Variants in PKHD1 observed in about 807,000 individuals in gnomAD.
PKHD1 encodes PKHD1 ciliary IPT domain containing fibrocystin/polyductin.
Under a neutral mutation model 412.0 loss-of-function variants are expected in PKHD1, and 291 were observed. The observed-to-expected ratio is 0.71, with a 90% CI of 0.64 to 0.78. The LOEUF (loss-of-function observed/expected upper bound fraction) is 0.78, where lower values mean the gene tolerates loss of function less well. Among genes scored for constraint, PKHD1 ranks in the 30% least tolerant of loss-of-function variants. The pLI is 0.00. For missense variants in PKHD1, 4,825 were observed against 4,950.7 expected (o/e 0.97, Z 0.76); for synonymous variants, 1,777 against 1,821.5 (o/e 0.98, Z 0.62).
At chr6:52,016,941 T>C (rs1160990063) in intron 34 of PKHD1, among the ~76,000 whole-genome samples, 8 of 152,346 alleles carry the variant, frequency 5.3e-5, no homozygotes. Flanking sequence ...AAATCCTAGA[T>C]CTACAGTAAT....
At chr6:52,062,091 G>C (rs1808767269) in intron 14 of PKHD1, among the ~76,000 whole-genome samples, 1 of 152,148 alleles carries the variant, frequency 6.6e-6, no homozygotes, top group Admixed American at 6.5e-5. Flanking sequence ...TTCAGCACTG[G>C]AAGGCTGTTC....
chr6:52,066,133 C>G, intron 11 of PKHD1, 56 bp from the exon 12 acceptor site: 1 of 781,516 alleles, frequency 1.3e-6, no homozygotes. Context: ...CAGAATATGA[C>G]CTAGATAATA....
At chr6:51,863,551 C>A (rs535473759) in intron 48 of PKHD1, among the ~76,000 whole-genome samples, 11 of 152,138 alleles carry the variant, frequency 7.2e-5, no homozygotes, top group African/African-American at 2.7e-4. Context: ...AAAACAATTA[C>A]AAATAAAGGC....
At chr6:51,891,776 G>A (rs1014044948) in intron 43 of PKHD1, among the ~76,000 whole-genome samples, 7 of 151,740 alleles carry the variant, frequency 4.6e-5, no homozygotes, top group Admixed American at 3.3e-4. Flanking sequence ...CAGTATGGGG[G>A]AGAAAACTGA....
At chr6:51,917,957 T>C (rs1244204975) in intron 37 of PKHD1, among the ~76,000 whole-genome samples, 13 of 152,136 alleles carry the variant, frequency 8.5e-5, no homozygotes, top group Admixed American at 8.5e-4. Context: ...AAGAAAATCC[T>C]TAGTGAGAAA....
At position 51,746,780 on chromosome 6, in the gene PKHD1, CCT is replaced by C; in HGVS notation, c.9937_9938del (p.Arg3313AspfsTer9). On this transcript the variant is annotated frameshift_variant, in exon 59 of 67. Coordinates refer to ENST00000371117, the MANE Select transcript of PKHD1 (RefSeq NM_138694.4). LOFTEE classifies it high-confidence loss of function. ...SGIMHPITAE[R>X]TRMLKIKDKN... ...TATCTTTTATCTTTAGCATCCTGGT[CCT>C]CTCTGCTGTTATTGGGTGCATAATT... 6.2e-7 allele frequency: 1 copy of C among 1,611,634 alleles called. No homozygotes were observed. Among genetic ancestry groups the C allele is most frequent in the South Asian group, 1.1e-5 (1 of 91,016 alleles).
Position 51,638,720 on chromosome 6 carries a change from A to T in PKHD1, c.11506+129T>A, listed in dbSNP as rs185518327. 1.2e-3 allele frequency: 856 copies of T among 713,328 alleles called. 4 individuals carry two copies. The highest frequency in any genetic ancestry group is 5.2e-3 in the Middle Eastern group (13 of 2,500). 44.2% of individuals were successfully genotyped at this position (713,328 alleles called of 1,614,324 possible). On this transcript the variant is annotated intron_variant, in intron 64 of 66. Coordinates refer to ENST00000371117, the MANE Select transcript of PKHD1 (RefSeq NM_138694.4). ...TCAAGCTTAATGATACAGTCAAGTGAATTTATTTTCTAAACTATGATGACC... is the reference window on the plus strand; with the variant it reads ...TCAAGCTTAATGATACAGTCAAGTGTATTTATTTTCTAAACTATGATGACC...
intron 53 of PKHD1, among the ~76,000 whole-genome samples, chr6:51,778,467 T>C (rs1164721745): frequency 6.6e-6 from 1 of 152,054 alleles, no homozygotes; most frequent in South Asian, 2.1e-4. Context: ...AGCTGTTAAA[T>C]GGCGAAGTTG....
chr6:51,886,068 G>A lies in PKHD1; in HGVS notation c.7110-96C>T, dbSNP rs868276122. 33 of 800,048 alleles carry A rather than the reference G, an allele frequency of 4.1e-5. No homozygotes were observed. In the Middle Eastern group the frequency reaches 1.1e-3, roughly 27 times the overall value. 49.6% of individuals were successfully genotyped at this position (800,048 alleles called of 1,614,324 possible). ...AATACAAAGTAAAAGTAATGTATTA[G>A]GGAGAATGAAGGTAGATGGAATCTG... On this transcript the variant is annotated intron_variant, in intron 44 of 66. Coordinates refer to ENST00000371117, the MANE Select transcript of PKHD1 (RefSeq NM_138694.4).
intron 65 of PKHD1, among the ~76,000 whole-genome samples, chr6:51,629,470 C>G (rs946372254): frequency 3.9e-5 from 6 of 151,958 alleles, no homozygotes; most frequent in African/African-American, 1.2e-4. Context: ...AAATGCTCAT[C>G]ATCACTAATC....
chr6:51,953,304 A>G (rs933199146), intron 36 of PKHD1, among the ~76,000 whole-genome samples: 5 of 152,088 alleles, frequency 3.3e-5, no homozygotes, highest in East Asian at 1.9e-4. Context: ...GAAAAAAAAC[A>G]AATTATTGTT....
chr6:51,955,359 T>C (rs1051523058), intron 36 of PKHD1, among the ~76,000 whole-genome samples: 1 of 151,982 alleles, frequency 6.6e-6, no homozygotes, highest in Non-Finnish European at 1.5e-5. Context: ...AAGTTGGGAG[T>C]CAGTACATAT....
intron 26 of PKHD1, 31 bp from the exon 27 acceptor site, chr6:52,043,165 TA>T (rs1409355546): frequency 6.5e-7 from 1 of 1,537,346 alleles, no homozygotes; most frequent in Non-Finnish European, 9.0e-7. Context: ...AAAAAACAAA[TA>T]AAATAATCTC....
At chr6:51,893,055 A>C (rs1779353153) in intron 43 of PKHD1, among the ~76,000 whole-genome samples, 2 of 152,222 alleles carry the variant, frequency 1.3e-5, no homozygotes, top group Admixed American at 1.3e-4. Flanking sequence ...GGTCAGCGGT[A>C]CATAAGAACC....
chr6:51,996,796 A>G (rs968701471), intron 35 of PKHD1, among the ~76,000 whole-genome samples: 11 of 152,374 alleles, frequency 7.2e-5, no homozygotes, highest in African/African-American at 2.4e-4. Context: ...GCCTTAGTGT[A>G]GCTATAAAGA....
chr6:51,961,155 A>G (rs1791965707), intron 35 of PKHD1, among the ~76,000 whole-genome samples: 1 of 152,116 alleles, frequency 6.6e-6, no homozygotes, highest in Admixed American at 6.6e-5. Context: ...GGAGAAGATC[A>G]TTAGAAGGGA....
intron 11 of PKHD1, among the ~76,000 whole-genome samples, chr6:52,067,055 T>C (rs1809837157): frequency 6.6e-6 from 1 of 152,218 alleles, no homozygotes; most frequent in Non-Finnish European, 1.5e-5. Flanking sequence ...AGGAGTTGCA[T>C]TTTGTGTAAA....
At chr6:51,741,037 G>A (rs1037547298) in intron 60 of PKHD1, 60 of 511,494 alleles carry the variant, frequency 1.2e-4, no homozygotes, top group Middle Eastern at 7.0e-4. Context: ...ATAGTAAATC[G>A]TGTGTAATAT....
chr6:51,828,713 T>G (rs938229608), intron 52 of PKHD1, among the ~76,000 whole-genome samples: 18 of 151,834 alleles, frequency 1.2e-4, no homozygotes, highest in African/African-American at 4.4e-4. Flanking sequence ...AGGCTAGGAA[T>G]GAAAGAAACA....
Sources: allele counts gnomAD v4.1 joint callset (sites outside exome capture counted in the v4.1 genomes callset), GRCh38; gene constraint gnomAD v4.1.1; transcripts MANE v1.5; gene names NCBI Gene and HGNC (gene_info 2026-07-23, HGNC 2026-07-21).